Variants in DIS3 observed in about 807,000 individuals in gnomAD.
DIS3 encodes exosome complex exonuclease RRP44.
Under a neutral mutation model 113.0 loss-of-function variants are expected in DIS3, and 103 were observed. The ratio of observed to expected loss-of-function variants is 0.91; its 90% confidence interval spans 0.78 to 1.07. The LOEUF (loss-of-function observed/expected upper bound fraction) is 1.07, where lower values mean the gene tolerates loss of function less well. Ranked by LOEUF, DIS3 falls within the 50% of genes least tolerant of loss-of-function variation. The pLI is 0.00. For missense variants in DIS3, 1,121 were observed against 1,167.1 expected, an observed-to-expected ratio of 0.96 and a Z score of 0.58; for synonymous variants, 402 against 394.3, an observed-to-expected ratio of 1.02 and a Z score of -0.23.
chr13:72,772,663 TAA>T, intron 9 of DIS3, 28 bp downstream of exon 9: 1 of 1,579,420 alleles, frequency 6.3e-7, no homozygotes, highest in Non-Finnish European at 8.6e-7. Context: ...TAATAATTTA[TAA>T]AGTCACTACA....
Position 72,757,259 on chromosome 13 carries a change from T to C in DIS3, c.*2536A>G, listed in dbSNP as rs2033503990. 6.6e-6 allele frequency: 1 copy of C among 151,760 alleles called. No homozygotes were observed. The allele number at this position is 151,760 out of a possible 1,614,324, so 9.4% of individuals were successfully genotyped here. A position where few individuals can be genotyped will look rare whatever the true frequency, so the allele number is the denominator to read the frequency against. On this transcript the variant is annotated 3_prime_UTR_variant, in exon 21 of 21. Coordinates refer to ENST00000377767, the MANE Select transcript of DIS3 (RefSeq NM_014953.5). Reference sequence around the variant, plus strand: ...GCCTGTAGGCAGTTTTTCTTCTCTTTTTTTTTTTTTGAGACAGTCTTGTTC... The same window carrying C: ...GCCTGTAGGCAGTTTTTCTTCTCTTCTTTTTTTTTTGAGACAGTCTTGTTC...
chr13:72,763,697 GAAGAT>G, intron 15 of DIS3, 90 bp from the exon 16 acceptor site: 4 of 1,302,006 alleles, frequency 3.1e-6, no homozygotes, highest in Non-Finnish European at 4.1e-6. Context: ...TTGTTACCAA[GAAGAT>G]AATAAGAGCA....
chr13:72,777,528 GT>G (rs767126813), intron 3 of DIS3, 35 bp from the exon 4 acceptor site: 12 of 1,587,368 alleles, frequency 7.6e-6, no homozygotes, highest in South Asian at 1.1e-5. Context: ...TTTGATAAGT[GT>G]TTTTTCCTTA....
chr13:72,775,893 T>C (rs756730445), intron 5 of DIS3, 32 bp downstream of exon 5: 4 of 1,515,810 alleles, frequency 2.6e-6, no homozygotes, highest in Non-Finnish European at 3.6e-6. Context: ...CATCTTTATT[T>C]TAGTGTATAA....
At chr13:72,765,820 T>C in intron 15 of DIS3, 152 bp downstream of exon 15, 3 of 525,262 alleles carry the variant, frequency 5.7e-6, no homozygotes, top group Non-Finnish European at 9.1e-6. Context: ...GAGCTTAAAT[T>C]TACTTTTCTG....
At position 72,761,962 on chromosome 13, in the gene DIS3, G is replaced by C. The variant is rs117383606; in HGVS notation, c.2303C>G (p.Ala768Gly). ...AGTAAAATGTGTGTATATTGGAGAC[G>C]CTAAGCCATAGTGATGAAAATCATT... ...MDNDFHHYGLASPIYTHFTSP... is the reference protein window; with the variant it reads ...MDNDFHHYGLGSPIYTHFTSP... Residue 768 changes from alanine (A) to glycine (G), a missense_variant, in exon 17 of 21, where the codon GCG becomes GGG. By Grantham distance (60) the Ala-to-Gly change is moderately conservative. Transcript: ENST00000377767. The C allele has an allele frequency of 2.5e-6, 4 of 1,613,964 alleles. No homozygotes were observed. In the African/African-American group the frequency reaches 5.3e-5, roughly 22 times the overall value.
intron 16 of DIS3, 24 bp from the exon 17 acceptor site, chr13:72,762,161 G>A (rs781291293): frequency 6.3e-7 from 1 of 1,588,470 alleles, no homozygotes; most frequent in South Asian, 1.1e-5. Flanking sequence ...GGAGGGAAGA[G>A]CACCATATTA....
intron 14 of DIS3, among the ~76,000 whole-genome samples, chr13:72,767,992 A>G (rs1019675527): frequency 2.0e-5 from 3 of 152,196 alleles, no homozygotes; most frequent in African/African-American, 7.2e-5. Context: ...TTTTGTAGTT[A>G]GGCAAAAGCC....
chr13:72,775,830 CAT>C (rs1222215523), intron 5 of DIS3, 93 bp downstream of exon 5: 17 of 1,083,380 alleles, frequency 1.6e-5, no homozygotes, highest in East Asian at 5.9e-5. Flanking sequence ...TGTGAAGCCT[CAT>C]ATGTTACACA....
chr13:72,781,417 A>G, intron 1 of DIS3, 188 bp downstream of exon 1: 5 of 1,519,664 alleles, frequency 3.3e-6, no homozygotes, highest in Non-Finnish European at 4.4e-6. Context: ...GACTCCAAGA[A>G]CTAAATTTTT....
chr13:72,777,357 G>T, intron 4 of DIS3, 63 bp downstream of exon 4: 1 of 1,492,450 alleles, frequency 6.7e-7, no homozygotes, highest in Non-Finnish European at 9.3e-7. Context: ...GTAACTATAT[G>T]CCTAATATTC....
intron 4 of DIS3, among the ~76,000 whole-genome samples, chr13:72,776,336 T>C (rs1011802618): frequency 6.6e-6 from 1 of 152,208 alleles, no homozygotes; most frequent in African/African-American, 2.4e-5. Context: ...TCTTGGGCAC[T>C]TGAAAGACAG....
chr13:72,771,657 C>T, intron 11 of DIS3, 138 bp downstream of exon 11: 3 of 696,444 alleles, frequency 4.3e-6, no homozygotes, highest in Non-Finnish European at 4.6e-6. Context: ...TTATTTGAAC[C>T]ACTCGATAAC....
Position 72,761,637 on chromosome 13 carries a change from G to A in DIS3, c.2511+9C>T, listed in dbSNP as rs2033625790. 3 of 1,575,884 alleles carry A rather than the reference G, an allele frequency of 1.9e-6. No individual in the cohort carries two copies. The highest frequency in any genetic ancestry group is 1.2e-5 in the South Asian group (1 of 82,616). Reference sequence around the variant, plus strand: ...ATTTTTTCTAGCAGTATCGACAAAAGGCAAATACCTGGGTATGAAAAGCCA... The same window carrying A: ...ATTTTTTCTAGCAGTATCGACAAAAAGCAAATACCTGGGTATGAAAAGCCA... On this transcript the variant is annotated intron_variant, in intron 18 of 20. Transcript: ENST00000377767.
chr13:72,765,186 T>C (rs1379780366), intron 15 of DIS3, among the ~76,000 whole-genome samples: 1 of 152,122 alleles, frequency 6.6e-6, no homozygotes, highest in Non-Finnish European at 1.5e-5. Flanking sequence ...CAATAGCTAA[T>C]ATCACCCTCA....
chr13:72,761,708 G>T lies in DIS3; in HGVS notation c.2449C>A (p.Leu817Ile), dbSNP rs746599822. The part of the protein sequence containing the change: ...KHKLADICKN[L>I]NFRHKMAQYA... The stretch of plus-strand genomic sequence containing the variant: ...TGAGCCATTTTGTGCCGGAAATTTA[G>T]ATTTTTACATATATCTGCAAGCTTG... The change falls in exon 18 of 21, where the codon CTA (leucine) becomes ATA (isoleucine). Residue 817 changes from leucine to isoleucine, a missense_variant. By Grantham distance (5) the Leu-to-Ile change is conservative (BLOSUM62 2). This residue lies in a region of DIS3 where 861 missense variants were observed against 915.5 expected (regional missense o/e 0.94). Transcript: ENST00000377767. 3.1e-6 allele frequency: 5 copies of T among 1,613,446 alleles called. No individual in the cohort carries two copies. Among genetic ancestry groups the T allele is most frequent in the Non-Finnish European group, 4.2e-6 (5 of 1,179,920 alleles).
At chr13:72,777,107 A>C (rs1318249512) in intron 4 of DIS3, among the ~76,000 whole-genome samples, 1 of 152,148 alleles carries the variant, frequency 6.6e-6, no homozygotes, top group Admixed American at 6.5e-5. Context: ...AGTGCCTGCC[A>C]CTTCATTTGT....
chr13:72,759,694 A>G lies in DIS3; in HGVS notation c.*101T>C. 1.1e-6 allele frequency: 1 copy of G among 877,372 alleles called. No homozygotes were observed. The highest frequency in any genetic ancestry group is 1.7e-6 in the Non-Finnish European group (1 of 572,140). 54.3% of individuals were successfully genotyped at this position (877,372 alleles called of 1,614,324 possible). ...TGTCTGAAATTATTAAAATGTACTT[A>G]AAAGTAACAAACTGTATCACACACT... is the stretch of plus-strand genomic sequence containing the variant. On this transcript the variant is annotated 3_prime_UTR_variant, in exon 21 of 21. Transcript: ENST00000377767.
chr13:72,779,666 T>A (rs1319847364), intron 2 of DIS3, among the ~76,000 whole-genome samples: 6 of 151,914 alleles, frequency 3.9e-5, no homozygotes, highest in Non-Finnish European at 1.5e-5. Flanking sequence ...TGGAATTTCA[T>A]TACCAGAAGT....
Sources: gnomAD v4.1 joint callset for allele counts (sites outside exome capture counted in the v4.1 genomes callset) on GRCh38, gnomAD v4.1.1 for gene constraint, gnomAD v4.1.1 regional missense constraint, MANE v1.5 for transcripts, NCBI Gene and HGNC (gene_info 2026-07-23, HGNC 2026-07-21) for gene names.